The following INPP4B variants were observed in gnomAD, a reference collection of about 807,000 sequenced individuals.
INPP4B encodes the protein inositol polyphosphate-4-phosphatase type II B, also known as inositol polyphosphate 4-phosphatase type II.
In INPP4B, 55 loss-of-function variants were observed where a neutral mutation model predicts 122.5. The ratio of observed to expected loss-of-function variants is 0.45; its 90% CI spans 0.36 to 0.56. The LOEUF (loss-of-function observed/expected upper bound fraction) is 0.56. INPP4B is among the 20% of genes least tolerant of loss of function. The probability of loss-of-function intolerance (pLI) is 0.00; values close to 1 mark genes in which losing one functional copy is unlikely to be tolerated. For synonymous variants in INPP4B, 403 were observed against 388.7 expected (o/e 1.04, Z -0.43); for missense variants, 1,000 against 1,097.7 (o/e 0.91, Z 1.26).
intron 1 of INPP4B, among the ~76,000 whole-genome samples, chr4:142,750,421 T>A (rs566058305): frequency 6.6e-6 from 1 of 152,198 alleles, no homozygotes; most frequent in Non-Finnish European, 1.5e-5. Context: ...GATTAAAGAA[T>A]CTATCATTTA....
chr4:142,832,731 T>A (rs1473041918), intron 1 of INPP4B, among the ~76,000 whole-genome samples: 1 of 151,944 alleles, frequency 6.6e-6, no homozygotes, highest in Non-Finnish European at 1.5e-5. Flanking sequence ...AGACAGCTCA[T>A]GTCTATTCAC....
chr4:142,403,044 T>C lies in INPP4B; in HGVS notation c.266A>G (p.Asp89Gly). Residue 89 changes from aspartate (D) to glycine (G), a missense_variant, in exon 7 of 26, where the codon GAC becomes GGC. Physicochemically the swap from Asp to Gly is moderately conservative, Grantham distance 94. Transcript: ENST00000262992. ...SSTEIVEGTR[D>G]PLFLTGVTFP... is the part of the protein sequence containing the mutation. Reference sequence around the variant, plus strand: ...TGTGACACCAGTCAAAAACAGTGGGTCCCTTGTTCCCTGTAACAGCACAAG... The same window carrying C: ...TGTGACACCAGTCAAAAACAGTGGGCCCCTTGTTCCCTGTAACAGCACAAG... 1 of 1,592,968 alleles carries C rather than the reference T, an allele frequency of 6.3e-7. No homozygotes were observed. Among genetic ancestry groups the C allele is most frequent in the Non-Finnish European group, 8.6e-7 (1 of 1,160,846 alleles).
chr4:142,664,729 C>A (rs188814020), intron 2 of INPP4B, among the ~76,000 whole-genome samples: 34 of 151,922 alleles, frequency 2.2e-4, no homozygotes, highest in African/African-American at 7.7e-4. Flanking sequence ...ATTCCAAGAG[C>A]ACAGAAATTT....
intron 1 of INPP4B, among the ~76,000 whole-genome samples, chr4:142,788,366 A>T (rs1012045139): frequency 6.6e-6 from 1 of 152,132 alleles, no homozygotes; most frequent in Admixed American, 6.6e-5. Context: ...TGATACTAAA[A>T]TGTGGGTTTC....
intron 2 of INPP4B, among the ~76,000 whole-genome samples, chr4:142,599,440 T>G (rs1312018623): frequency 6.6e-6 from 1 of 152,086 alleles, no homozygotes; most frequent in Non-Finnish European, 1.5e-5. Flanking sequence ...CCACAAAAAA[T>G]CATACAGAGA....
At chr4:142,552,201 C>T (rs1560790421) in intron 2 of INPP4B, among the ~76,000 whole-genome samples, 1 of 152,260 alleles carries the variant, frequency 6.6e-6, no homozygotes, top group East Asian at 1.9e-4. Flanking sequence ...TAAATGAGCT[C>T]TCAAAAGCAA....
Position 142,030,337 on chromosome 4 carries a change from A to C in INPP4B, c.2643-1423T>G, listed in dbSNP as rs558208784. ...GAGGGGAAGTTGGGGGGGAAAAGAA[A>C]ATAGTATAGAGTTCACACAGTAAAA... On this transcript the variant is annotated intron_variant, in intron 25 of 25. Transcript: ENST00000262992. 1.4e-5 allele frequency: 21 copies of C among 1,524,088 alleles called. No homozygotes were observed. The African/African-American group carries it at 2.6e-4, about 19-fold the overall frequency. The allele number at this position is 1,524,088 out of a possible 1,614,324, so 94.4% of individuals were successfully genotyped here. A position where few individuals can be genotyped will look rare whatever the true frequency, so the allele number is the denominator to read the frequency against.
intron 2 of INPP4B, among the ~76,000 whole-genome samples, chr4:142,625,941 T>C (rs1369062180): frequency 6.6e-6 from 1 of 152,166 alleles, no homozygotes; most frequent in African/African-American, 2.4e-5. Context: ...TGTAGAAAGC[T>C]GAAATTGGAT....
At chr4:142,075,568 C>T (rs370287609) in intron 25 of INPP4B, among the ~76,000 whole-genome samples, 20 of 151,914 alleles carry the variant, frequency 1.3e-4, no homozygotes, top group African/African-American at 4.8e-4. Flanking sequence ...CCTAAGACCT[C>T]GAAGACCAGG....
intron 25 of INPP4B, among the ~76,000 whole-genome samples, chr4:142,071,343 G>T (rs1039569793): frequency 2.0e-4 from 30 of 152,064 alleles, no homozygotes; most frequent in South Asian, 6.2e-4. Context: ...ATTCAAGATG[G>T]ATTAAAGACT....
intron 2 of INPP4B, among the ~76,000 whole-genome samples, chr4:142,723,925 C>A (rs557806544): frequency 2.0e-5 from 3 of 151,992 alleles, no homozygotes; most frequent in Non-Finnish European, 2.9e-5. Flanking sequence ...ATGACATAAA[C>A]GTCATTTCTC....
chr4:142,363,176 T>A (rs1433439417), intron 7 of INPP4B, among the ~76,000 whole-genome samples: 1 of 152,024 alleles, frequency 6.6e-6, no homozygotes, highest in African/African-American at 2.4e-5. Context: ...GAGAGTCTGA[T>A]TAAACACATA....
chr4:142,121,644 CAT>C (rs1315599847), intron 21 of INPP4B, among the ~76,000 whole-genome samples: 21 of 152,096 alleles, frequency 1.4e-4, no homozygotes, highest in African/African-American at 5.1e-4. Context: ...TCGGAAATCT[CAT>C]AGTCTGAGAG....
chr4:142,187,863 T>C (rs191921309), intron 15 of INPP4B, among the ~76,000 whole-genome samples: 2 of 152,334 alleles, frequency 1.3e-5, no homozygotes, highest in Non-Finnish European at 2.9e-5. Context: ...CCCAAAGTCC[T>C]GGGATTACAG....
chr4:142,553,385 A>C (rs1006742649), intron 2 of INPP4B, among the ~76,000 whole-genome samples: 1 of 152,220 alleles, frequency 6.6e-6, no homozygotes, highest in African/African-American at 2.4e-5. Context: ...ACTAAGTTCA[A>C]GATGCTGGCT....
intron 3 of INPP4B, among the ~76,000 whole-genome samples, chr4:142,432,693 T>C (rs1310631371): frequency 1.3e-5 from 2 of 152,232 alleles, no homozygotes; most frequent in East Asian, 3.9e-4. Flanking sequence ...AATAGTGAGA[T>C]AATATCTGTA....
At chr4:142,751,468 C>T (rs1361626119) in intron 1 of INPP4B, among the ~76,000 whole-genome samples, 2 of 146,910 alleles carry the variant, frequency 1.4e-5, no homozygotes, top group Non-Finnish European at 3.0e-5. Flanking sequence ...AAAAGCATCT[C>T]CTAACACATA....
intron 2 of INPP4B, among the ~76,000 whole-genome samples, chr4:142,660,146 T>G (rs1177228488): frequency 6.6e-6 from 1 of 152,080 alleles, no homozygotes; most frequent in Non-Finnish European, 1.5e-5. Flanking sequence ...GAAAGAGACA[T>G]AGGTGAGAAC....
chr4:142,619,782 C>T (rs561687586), intron 2 of INPP4B, among the ~76,000 whole-genome samples: 19 of 151,934 alleles, frequency 1.3e-4, no homozygotes, highest in African/African-American at 4.1e-4. Context: ...CACAGGAATA[C>T]CCCCCAAAAG....
Sources: gnomAD v4.1 joint callset for allele counts (sites outside exome capture counted in the v4.1 genomes callset) on GRCh38, gnomAD v4.1.1 for gene constraint, MANE v1.5 for transcripts, NCBI Gene and HGNC (gene_info 2026-07-23, HGNC 2026-07-21) for gene names.